The following ANGPTL5 variants were observed in gnomAD, a reference collection of about 807,000 sequenced individuals.
The protein encoded by ANGPTL5 is angiopoietin like 5.
ANGPTL5 carries 34 observed loss-of-function variants against 39.4 expected under a neutral mutation model. The observed-to-expected ratio is 0.86, with a 90% CI of 0.66 to 1.15. ANGPTL5 has a LOEUF of 1.15. ANGPTL5 is among the 50% of genes most tolerant of loss of function. ANGPTL5 has a pLI of 0.00. For synonymous variants in ANGPTL5, 146 were observed against 152.1 expected, an observed-to-expected ratio of 0.96 and a Z score of 0.29; for missense variants, 467 against 457.5, an observed-to-expected ratio of 1.02 and a Z score of -0.19.
At position 101,905,770 on chromosome 11, in the gene ANGPTL5, C is replaced by T. The variant is rs760300183; in HGVS notation, c.319G>A (p.Ala107Thr). ...TGATTAGATAAATAATCCAAGGAAG[C>T]TTGTTGCTCATCCATCATATTCCTT... The part of the protein sequence containing the change: ...LLRNMMDEQQ[A>T]SLDYLSNQVN... The change falls in exon 4 of 9, where the codon GCT becomes ACT. Residue 107 changes from alanine (A) to threonine (T), a missense_variant. By Grantham distance (58) the Ala-to-Thr change is moderately conservative. Coordinates refer to ENST00000334289, the MANE Select transcript of ANGPTL5 (RefSeq NM_178127.5). The T allele has an allele frequency of 2.5e-6, 4 of 1,610,256 alleles. No individual in the cohort carries two copies. Among genetic ancestry groups the T allele is most frequent in the African/African-American group, 1.3e-5 (1 of 74,960 alleles).
chr11:101,903,649 T>A (rs553077652), intron 5 of ANGPTL5, among the ~76,000 whole-genome samples: 1 of 152,220 alleles, frequency 6.6e-6, no homozygotes, highest in East Asian at 1.9e-4. Context: ...AGACATAGAT[T>A]TGTTGTTGCC....
intron 8 of ANGPTL5, among the ~76,000 whole-genome samples, chr11:101,891,810 T>C (rs1053845632): frequency 1.3e-5 from 2 of 152,162 alleles, no homozygotes; most frequent in African/African-American, 2.4e-5. Context: ...TTTAAATAAA[T>C]ATTTGATATA....
At chr11:101,900,622 T>G (rs1398793313) in intron 6 of ANGPTL5, 72 bp from the exon 7 acceptor site, 5 of 1,518,968 alleles carry the variant, frequency 3.3e-6, no homozygotes, top group Non-Finnish European at 4.5e-6. Context: ...ACACTCATGC[T>G]TCATCCTTAG....
At chr11:101,902,992 T>C (rs1299591921) in intron 5 of ANGPTL5, among the ~76,000 whole-genome samples, 4 of 152,136 alleles carry the variant, frequency 2.6e-5, no homozygotes, top group Admixed American at 6.5e-5. Context: ...TCAACACTTA[T>C]TAAACATATT....
intron 6 of ANGPTL5, 34 bp downstream of exon 6, chr11:101,902,587 C>T (rs763141962): frequency 5.0e-5 from 71 of 1,426,844 alleles, no homozygotes; most frequent in Non-Finnish European, 3.0e-6. Context: ...TCTTAGCCCA[C>T]ATAATACGGG....
chr11:101,907,582 G>C (rs562130256), intron 2 of ANGPTL5, among the ~76,000 whole-genome samples: 1 of 151,894 alleles, frequency 6.6e-6, no homozygotes, highest in South Asian at 2.1e-4. Context: ...TTTTAATCTA[G>C]GCCTGAAATG....
chr11:101,910,221 A>C (rs1940066022), intron 1 of ANGPTL5, among the ~76,000 whole-genome samples: 1 of 151,884 alleles, frequency 6.6e-6, no homozygotes, highest in Non-Finnish European at 1.5e-5. Context: ...GGCCAGCCTG[A>C]CCAACAAGGA....
Position 101,900,454 on chromosome 11 carries a change from G to C in ANGPTL5, c.637C>G (p.Leu213Val). 1.9e-6 allele frequency: 3 copies of C among 1,613,408 alleles called. 1 individual carries two copies. The South Asian group carries it at 3.3e-5, about 18-fold the overall frequency. ...CCTAGAAGATCTCCAAATCCATCCAGATAATCACACCACAACCTCTGGAAA... is the reference window on the plus strand; with the variant it reads ...CCTAGAAGATCTCCAAATCCATCCACATAATCACACCACAACCTCTGGAAA... Reference protein sequence around the residue: ...IDFQRLWCDYLDGFGDLLGEF... With the variant: ...IDFQRLWCDYVDGFGDLLGEF... The change falls in exon 7 of 9, where the codon CTG (leucine) becomes GTG (valine). Residue 213 changes from leucine (L) to valine (V), a missense_variant. By Grantham distance (32) the Leu-to-Val change is conservative. Transcript: ENST00000334289.
intron 1 of ANGPTL5, among the ~76,000 whole-genome samples, chr11:101,910,158 C>T (rs937290206): frequency 6.6e-6 from 1 of 152,110 alleles, no homozygotes; most frequent in African/African-American, 2.4e-5. Context: ...CGCCTGTAAT[C>T]CCAGCACTTT....
intron 3 of ANGPTL5, among the ~76,000 whole-genome samples, chr11:101,906,644 A>G (rs1354047634): frequency 1.3e-5 from 2 of 151,834 alleles, no homozygotes; most frequent in Admixed American, 1.3e-4. Context: ...GTTGCCCCCT[A>G]TAACAAAAGG....
At position 101,905,895 on chromosome 11, in the gene ANGPTL5, A is replaced by G. The variant is rs371922718; in HGVS notation, c.242-48T>C. Reference sequence around the variant, plus strand: ...TGTTAAATATTATATTGTTACAGAAAACAATTACAGTGAAAAATAGTGAAT... The same window carrying G: ...TGTTAAATATTATATTGTTACAGAAGACAATTACAGTGAAAAATAGTGAAT... On this transcript the variant is annotated intron_variant, in intron 3 of 8. Transcript: ENST00000334289. The G allele has an allele frequency of 6.4e-5, 70 of 1,086,152 alleles. No individual in the cohort carries two copies. In the African/African-American group the frequency reaches 9.9e-4, roughly 15 times the overall value. The allele number at this position is 1,086,152 out of a possible 1,614,324, so 67.3% of individuals were successfully genotyped here.
At chr11:101,892,511 G>A (rs149587134) in intron 8 of ANGPTL5, among the ~76,000 whole-genome samples, 1,665 of 152,224 alleles carry the variant, frequency 0.011, 12 homozygotes, top group Non-Finnish European at 0.017. Context: ...GATTACAGGC[G>A]TGATCCACTG....
rs377748992 is a variant in ANGPTL5, at chr11:101,895,731, A to G, written c.662-667T>C. ...TATAAAACTCCCCAACTCGGACTGC[A>G]TACTTCTTGCATACATATTCTAGCC... On this transcript the variant is annotated intron_variant, in intron 7 of 8. Coordinates refer to ENST00000334289, the MANE Select transcript of ANGPTL5 (RefSeq NM_178127.5). 2.0e-4 allele frequency among the ~76,000 whole-genome samples: 30 copies of G among 152,294 alleles called. No homozygotes were observed. The South Asian group carries it at 6.0e-3, about 30-fold the overall frequency.
chr11:101,908,642 T>A (rs1219081175), intron 1 of ANGPTL5, among the ~76,000 whole-genome samples: 1 of 151,752 alleles, frequency 6.6e-6, no homozygotes, highest in Admixed American at 6.6e-5. Flanking sequence ...TAGCCGGGCG[T>A]TGTAGCAGGT....
intron 1 of ANGPTL5, among the ~76,000 whole-genome samples, chr11:101,913,756 C>T (rs1270851373): frequency 6.6e-6 from 1 of 152,152 alleles, no homozygotes; most frequent in Non-Finnish European, 1.5e-5. Flanking sequence ...CTAATATTCT[C>T]ATATTCATCT....
intron 2 of ANGPTL5, among the ~76,000 whole-genome samples, chr11:101,907,482 A>C (rs1271629210): frequency 6.6e-6 from 1 of 152,132 alleles, no homozygotes; most frequent in African/African-American, 2.4e-5. Context: ...ACAATATTTG[A>C]AATATGAAAG....
intron 5 of ANGPTL5, among the ~76,000 whole-genome samples, chr11:101,903,476 C>G (rs1201950170): frequency 6.6e-6 from 1 of 152,136 alleles, no homozygotes; most frequent in Non-Finnish European, 1.5e-5. Flanking sequence ...CATCCTAGTT[C>G]TACTCCTAAC....
At chr11:101,913,309 T>C (rs1596119) in intron 1 of ANGPTL5, among the ~76,000 whole-genome samples, 81,023 of 152,074 alleles carry the variant, frequency 0.53, 22,163 homozygotes, top group East Asian at 0.77. Flanking sequence ...AAAATGAACA[T>C]GGGTCATATG....
At chr11:101,895,148 A>T in intron 7 of ANGPTL5, 84 bp from the exon 8 acceptor site, 1 of 1,209,736 alleles carries the variant, frequency 8.3e-7, no homozygotes. Flanking sequence ...CTTGTTTAGC[A>T]TTTCAAAAAC....
Sources: gnomAD v4.1 joint callset for allele counts (sites outside exome capture counted in the v4.1 genomes callset) on GRCh38, gnomAD v4.1.1 for gene constraint, MANE v1.5 for transcripts, NCBI Gene and HGNC (gene_info 2026-07-23, HGNC 2026-07-21) for gene names.